The following STIM1 variants were observed in gnomAD, a reference collection of about 807,000 sequenced individuals.
STIM1 encodes stromal interaction molecule 1.
A neutral mutation model predicts 74.7 loss-of-function variants in STIM1; 25 were observed. The ratio of observed to expected loss-of-function variants is 0.33; its 90% CI spans 0.24 to 0.47. STIM1 has a LOEUF of 0.47. STIM1 is among the 20% of genes least tolerant of loss of function. The pLI is 1.00. For synonymous variants in STIM1, 328 were observed against 348.8 expected, an observed-to-expected ratio of 0.94 and a Z score of 0.66; for missense variants, 728 against 920.8, an observed-to-expected ratio of 0.79 and a Z score of 2.71.
chr11:4,091,324 T>C lies in STIM1; in HGVS notation c.1677T>C (p.Ser559=). ...ATTCGGAGTCCTCCCTCCACATGAG[T>C]GACCGCCAGCGTGTGGCCCCCAAAC... The part of the protein sequence containing the change: ...HSDSESSLHM[S]DRQRVAPKPP... Residue 559 remains serine, a synonymous_variant, in exon 13 of 13, where the codon AGT becomes AGC. Transcript: ENST00000526596. 6.2e-7 allele frequency: 1 copy of C among 1,614,186 alleles called. No homozygotes were observed. Among genetic ancestry groups the C allele is most frequent in the Non-Finnish European group, 8.5e-7 (1 of 1,180,038 alleles).
intron 3 of STIM1, among the ~76,000 whole-genome samples, chr11:4,043,807 G>A (rs933039259): frequency 6.6e-6 from 1 of 152,058 alleles, no homozygotes; most frequent in East Asian, 1.9e-4. Context: ...ACGAGGTCAG[G>A]AGATTGAGAC....
In STIM1 at chr11:3,941,671, T is replaced by TAGAGAGAGAGAGAG. The variant is rs1372399472; in HGVS notation, c.140-25880_140-25879insGAGAGAGAGAGAGA. Among the ~76,000 whole-genome samples, 13 of 76,132 alleles carry TAGAGAGAGAGAGAG rather than the reference T, an allele frequency of 1.7e-4. No homozygotes were observed. In the South Asian group the frequency reaches 1.7e-3, roughly 10 times the overall value. 49.9% of individuals were successfully genotyped at this position (76,132 alleles called of 152,430 possible). A position where few individuals can be genotyped will look rare whatever the true frequency, so the allele number is the denominator to read the frequency against. On this transcript the variant is annotated intron_variant, in intron 1 of 12. Transcript: ENST00000526596. ...GTGTATACATATATATATATATATA[T>TAGAGAGAGAGAGAG]ATAGAGAGAGAGAGAGAGAGAGAGA...
intron 1 of STIM1, among the ~76,000 whole-genome samples, chr11:3,962,136 G>A (rs77102456): frequency 0.064 from 9,672 of 152,192 alleles, 961 homozygotes; most frequent in African/African-American, 0.21. Context: ...GGTATATTGT[G>A]TATTGGTGAA....
At chr11:3,910,249 G>T (rs760988632) in intron 1 of STIM1, among the ~76,000 whole-genome samples, 23 of 152,236 alleles carry the variant, frequency 1.5e-4, no homozygotes, top group Non-Finnish European at 2.8e-4. Context: ...TGGTCATAAT[G>T]ACCTGTGTTC....
intron 2 of STIM1, among the ~76,000 whole-genome samples, chr11:4,014,299 C>A (rs1254365116): frequency 6.6e-6 from 1 of 152,138 alleles, no homozygotes; most frequent in Non-Finnish European, 1.5e-5. Flanking sequence ...GCCTTCATTT[C>A]GTTATTTATC....
intron 2 of STIM1, among the ~76,000 whole-genome samples, chr11:4,002,257 T>C (rs1314565938): frequency 6.6e-6 from 1 of 151,498 alleles, no homozygotes; most frequent in East Asian, 1.9e-4. Flanking sequence ...TCTACAGAAC[T>C]CTCCACCCCA....
At chr11:3,972,280 A>C (rs1297373278) in intron 2 of STIM1, among the ~76,000 whole-genome samples, 1 of 152,190 alleles carries the variant, frequency 6.6e-6, no homozygotes, top group Non-Finnish European at 1.5e-5. Context: ...TTTCTGAAGT[A>C]AGTCTTTATT....
intron 1 of STIM1, among the ~76,000 whole-genome samples, chr11:3,941,229 CACTG>C (rs2093001017): frequency 6.6e-6 from 1 of 152,116 alleles, no homozygotes; most frequent in African/African-American, 2.4e-5. Flanking sequence ...AAAAATGGTC[CACTG>C]ACTGAGGGAT....
intron 2 of STIM1, among the ~76,000 whole-genome samples, chr11:4,005,123 A>G (rs1194292077): frequency 1.3e-5 from 2 of 152,236 alleles, no homozygotes; most frequent in Non-Finnish European, 2.9e-5. Flanking sequence ...GAACACTTTT[A>G]CACTGTTGGT....
At chr11:3,909,562 C>T (rs963077343) in intron 1 of STIM1, among the ~76,000 whole-genome samples, 8 of 152,128 alleles carry the variant, frequency 5.3e-5, no homozygotes, top group South Asian at 4.1e-4. Context: ...CAGTGGCTCA[C>T]GCCTGTAATC....
chr11:3,985,790 C>G (rs1445970966), intron 2 of STIM1, among the ~76,000 whole-genome samples: 7 of 152,216 alleles, frequency 4.6e-5, no homozygotes, highest in Non-Finnish European at 1.0e-4. Flanking sequence ...TCAGACCTAA[C>G]TGGTGTTTGT....
intron 1 of STIM1, among the ~76,000 whole-genome samples, chr11:3,888,831 T>C (rs2091810813): frequency 1.3e-5 from 2 of 152,052 alleles, no homozygotes; most frequent in Admixed American, 6.6e-5. Context: ...GGATTACAGG[T>C]GTTAGCCACC....
At chr11:3,873,435 A>AT (rs1217267437) in intron 1 of STIM1, among the ~76,000 whole-genome samples, 4 of 151,400 alleles carry the variant, frequency 2.6e-5, no homozygotes, top group African/African-American at 9.8e-5. Flanking sequence ...AAAAAAAAAA[A>AT]AATTAAAAAC....
At chr11:3,875,636 G>A (rs2091283555) in intron 1 of STIM1, among the ~76,000 whole-genome samples, 1 of 151,632 alleles carries the variant, frequency 6.6e-6, no homozygotes, top group Admixed American at 6.6e-5. Flanking sequence ...AGAGGCAGGA[G>A]GATTGCTTGA....
At chr11:3,888,733 G>A (rs1316893248) in intron 1 of STIM1, among the ~76,000 whole-genome samples, 2 of 152,058 alleles carry the variant, frequency 1.3e-5, no homozygotes, top group Non-Finnish European at 2.9e-5. Context: ...TGTATTTTTA[G>A]TAGAGACGGG....
intron 3 of STIM1, among the ~76,000 whole-genome samples, chr11:4,035,298 T>C (rs778354718): frequency 4.0e-5 from 6 of 151,618 alleles, no homozygotes; most frequent in Non-Finnish European, 5.9e-5. Flanking sequence ...TTCCAACTGA[T>C]TTATTAGTAG....
chr11:4,013,675 T>C (rs1554965457), intron 2 of STIM1, among the ~76,000 whole-genome samples: 1 of 143,872 alleles, frequency 7.0e-6, no homozygotes, highest in Non-Finnish European at 1.5e-5. Context: ...AACCAGCTCC[T>C]GGATTCATTG....
rs950653339 is a variant in STIM1 at position 4,043,225 on chromosome 11, C to T, written c.386-12301C>T. On this transcript the variant is annotated intron_variant, in intron 3 of 12. Transcript: ENST00000526596. ...ATAACTTTAGTTTTTGTAGCTACCT[C>T]AGAATAAAACAGGAGGTTTTATTGA... Among the ~76,000 whole-genome samples, 6 of 152,164 alleles carry T rather than the reference C, an allele frequency of 3.9e-5. No homozygotes were observed. In the South Asian group the frequency reaches 1.2e-3, roughly 32 times the overall value.
chr11:3,989,944 A>G (rs73429612), intron 2 of STIM1, among the ~76,000 whole-genome samples: 2,809 of 152,298 alleles, frequency 0.018, 85 homozygotes, highest in African/African-American at 0.064. Flanking sequence ...ATACAATTCA[A>G]TGGGTTTTAG....
Sources: allele counts gnomAD v4.1 joint callset (sites outside exome capture counted in the v4.1 genomes callset), GRCh38; gene constraint gnomAD v4.1.1; transcripts MANE v1.5; gene names NCBI Gene and HGNC (gene_info 2026-07-23, HGNC 2026-07-21).